EFHD1: variants seen among roughly 807,000 people sequenced by gnomAD.
EFHD1 encodes EF-hand domain family member D1.
EFHD1 carries 10 observed loss-of-function variants against 17.2 expected under a neutral mutation model. The observed-to-expected ratio is 0.58, with a 90% CI of 0.36 to 0.99. The LOEUF (loss-of-function observed/expected upper bound fraction) is 0.99. EFHD1 is among the 50% of genes least tolerant of loss of function. The pLI is 0.01. For missense variants in EFHD1, 310 were observed against 327.5 expected, an observed-to-expected ratio of 0.95 and a Z score of 0.41; for synonymous variants, 153 against 142.0, an observed-to-expected ratio of 1.08 and a Z score of -0.55.
chr2:232,620,569 G>A (rs1189130628), intron 1 of EFHD1, among the ~76,000 whole-genome samples: 1 of 151,640 alleles, frequency 6.6e-6, no homozygotes, highest in East Asian at 1.9e-4. Flanking sequence ...TTTTGGTAGA[G>A]ACAGGGTCTG....
At position 232,644,905 on chromosome 2, in the gene EFHD1, G is replaced by A. The variant is rs543106944; in HGVS notation, c.302+10899G>A. 4.1e-5 allele frequency among the ~76,000 whole-genome samples: 6 copies of A among 146,178 alleles called. No individual in the cohort carries two copies. The South Asian group carries it at 1.3e-3, about 32-fold the overall frequency. On this transcript the variant is annotated intron_variant, in intron 1 of 3. Transcript: ENST00000264059. ...GATCCGCCCACCTCGACCTCCCAAA[G>A]TGCTGGGATTACAGGCGTGAGCCAC...
chr2:232,618,684 C>G (rs1043510725), intron 1 of EFHD1, among the ~76,000 whole-genome samples: 1 of 148,488 alleles, frequency 6.7e-6, no homozygotes, highest in Non-Finnish European at 1.5e-5. Context: ...GATTGCACCA[C>G]TGCACTCCAG....
At chr2:232,634,637 G>C (rs1694281560) in intron 1 of EFHD1, among the ~76,000 whole-genome samples, 1 of 152,150 alleles carries the variant, frequency 6.6e-6, no homozygotes, top group South Asian at 2.1e-4. Flanking sequence ...GCGGGGGCTC[G>C]TTGCGGTCCT....
rs1013424108 is a variant in EFHD1 at position 232,680,897 on chromosome 2, T to C, written c.586-688T>C. Among the ~76,000 whole-genome samples the C allele has an allele frequency of 1.3e-4, 19 of 151,294 alleles. No individual in the cohort carries two copies. The South Asian group carries it at 3.4e-3, about 27-fold the overall frequency. The stretch of plus-strand genomic sequence containing the variant: ...AATCCCATGAGGGGACTGGGTGCAG[T>C]GGCTCACGCCTGTAATCCCAGCACT... On this transcript the variant is annotated intron_variant, in intron 3 of 3. Coordinates refer to ENST00000264059, the MANE Select transcript of EFHD1 (RefSeq NM_025202.4).
chr2:232,667,540 A>ATTTATTT (rs1559354771), intron 2 of EFHD1, among the ~76,000 whole-genome samples: 16 of 150,284 alleles, frequency 1.1e-4, no homozygotes, highest in African/African-American at 3.7e-4. Flanking sequence ...TTAATTAATT[A>ATTTATTT]ATTTATTTAT....
chr2:232,624,545 T>G (rs1418283084), intron 1 of EFHD1, among the ~76,000 whole-genome samples: 1 of 152,262 alleles, frequency 6.6e-6, no homozygotes, highest in Non-Finnish European at 1.5e-5. Flanking sequence ...CTTGCTGGGA[T>G]TCATTTACAC....
chr2:232,657,636 CCT>C (rs1188939857), intron 1 of EFHD1, among the ~76,000 whole-genome samples: 1 of 151,660 alleles, frequency 6.6e-6, no homozygotes, highest in African/African-American at 2.4e-5. Context: ...ATGATGAAAC[CCT>C]GTCTCTACTA....
In EFHD1 at chr2:232,633,774, C is replaced by T. The variant is rs1189336024; in HGVS notation, c.70C>T (p.Pro24Ser). ...GCGCGAGGAGGCCGAGGAGAGTGGC[C>T]CCCAGCTGGCTCCCCTCGGCGCCCC... is the stretch of plus-strand genomic sequence containing the variant. ...LRREEAEESG[P>S]QLAPLGAPAP... is the part of the protein sequence containing the mutation. Residue 24 changes from proline to serine, a missense_variant, in exon 1 of 4, where the codon CCC (proline) becomes TCC (serine). Transcript: ENST00000264059. 1 of 1,462,246 alleles carries T rather than the reference C, an allele frequency of 6.8e-7. No homozygotes were observed. The highest frequency in any genetic ancestry group is 9.0e-7 in the Non-Finnish European group (1 of 1,115,268). 90.6% of individuals were successfully genotyped at this position (1,462,246 alleles called of 1,614,324 possible). A position where few individuals can be genotyped will look rare whatever the true frequency, so the allele number is the denominator to read the frequency against.
At chr2:232,678,990 C>G (rs894576565) in intron 3 of EFHD1, among the ~76,000 whole-genome samples, 1 of 152,106 alleles carries the variant, frequency 6.6e-6, no homozygotes, top group Non-Finnish European at 1.5e-5. Flanking sequence ...AATGTGATGA[C>G]TAGGTTTTCA....
At chr2:232,660,561 C>A (rs1467056586) in intron 1 of EFHD1, among the ~76,000 whole-genome samples, 2 of 152,102 alleles carry the variant, frequency 1.3e-5, no homozygotes, top group Non-Finnish European at 1.5e-5. Flanking sequence ...AATCAAACTC[C>A]TGGGCTCAAG....
intron 1 of EFHD1, among the ~76,000 whole-genome samples, chr2:232,615,914 C>T (rs1473807084): frequency 2.0e-5 from 3 of 151,946 alleles, no homozygotes; most frequent in Non-Finnish European, 4.4e-5. Context: ...CTTGAATTCC[C>T]GACCTTAGGT....
At chr2:232,680,351 A>G (rs1198581683) in intron 3 of EFHD1, among the ~76,000 whole-genome samples, 1 of 140,496 alleles carries the variant, frequency 7.1e-6, no homozygotes, top group African/African-American at 2.7e-5. Flanking sequence ...CAGTTCTAGA[A>G]TAGAGGATTT....
At chr2:232,622,436 T>C (rs1694033320) in intron 1 of EFHD1, among the ~76,000 whole-genome samples, 1 of 136,670 alleles carries the variant, frequency 7.3e-6, no homozygotes, top group South Asian at 2.6e-4. Flanking sequence ...ACCACTGCAC[T>C]CCAGCCTGGG....
intron 1 of EFHD1, among the ~76,000 whole-genome samples, chr2:232,612,729 CTTTTCT>C (rs1373236029): frequency 7.1e-6 from 1 of 141,424 alleles, no homozygotes; most frequent in Non-Finnish European, 1.5e-5. Flanking sequence ...TTCTTTTTTT[CTTTTCT>C]TTTTTTTTTT....
chr2:232,648,634 G>A (rs1694578018), intron 1 of EFHD1, among the ~76,000 whole-genome samples: 1 of 152,060 alleles, frequency 6.6e-6, no homozygotes, highest in East Asian at 1.9e-4. Context: ...CTGCCGGTGG[G>A]TGTAGTCTGT....
intron 2 of EFHD1, among the ~76,000 whole-genome samples, chr2:232,668,219 G>A (rs115034566): frequency 3.2e-4 from 49 of 152,346 alleles, no homozygotes; most frequent in African/African-American, 1.1e-3. Flanking sequence ...CATTTAGGGC[G>A]GTTGGTGATT....
At chr2:232,606,168 G>C (rs766930714) in exon 1 of EFHD1, 2 of 1,546,652 alleles carry the variant, frequency 1.3e-6, no homozygotes, top group Non-Finnish European at 8.7e-7. Flanking sequence ...CGATGGGAGA[G>C]TTGCAGTAAG....
At chr2:232,663,032 G>T in intron 2 of EFHD1, 83 bp downstream of exon 2, 1 of 1,427,872 alleles carries the variant, frequency 7.0e-7, no homozygotes, top group Non-Finnish European at 9.2e-7. Context: ...AGCACAAATG[G>T]GTTTGGCCTC....
At chr2:232,627,560 G>A (rs898878312) in intron 1 of EFHD1, among the ~76,000 whole-genome samples, 3 of 152,002 alleles carry the variant, frequency 2.0e-5, no homozygotes, top group Non-Finnish European at 4.4e-5. Context: ...TATTTCCAGC[G>A]ACCTGTGGAA....
Sources: allele counts gnomAD v4.1 joint callset (sites outside exome capture counted in the v4.1 genomes callset), GRCh38; gene constraint gnomAD v4.1.1; transcripts MANE v1.5; gene names NCBI Gene and HGNC (gene_info 2026-07-23, HGNC 2026-07-21).